CSMD1: variants seen among roughly 807,000 people sequenced by gnomAD.
CSMD1 encodes CUB and sushi domain-containing protein 1.
Under a neutral mutation model 417.5 loss-of-function variants are expected in CSMD1, and 213 were observed. That is an observed-to-expected ratio of 0.51 (90% confidence interval 0.46 to 0.57). The LOEUF is 0.57. Ranked by LOEUF, CSMD1 falls within the 20% of genes least tolerant of loss-of-function variation. The pLI is 0.00. For synonymous variants in CSMD1, 2,862 were observed against 1,736.8 expected (o/e 1.65, Z -16.11); for missense variants, 6,923 against 4,529.7 (o/e 1.53, Z -15.17).
intron 5 of CSMD1, among the ~76,000 whole-genome samples, chr8:3,969,821 A>G (rs1416879414): frequency 1.3e-5 from 2 of 152,172 alleles, no homozygotes; most frequent in Non-Finnish European, 2.9e-5. Context: ...AGACGGGGAG[A>G]TTTTTAAATG....
At chr8:3,216,412 A>G (rs1472812339) in intron 29 of CSMD1, among the ~76,000 whole-genome samples, 2 of 152,202 alleles carry the variant, frequency 1.3e-5, no homozygotes, top group African/African-American at 2.4e-5. Context: ...TATTGAAAAT[A>G]AAAAATTTCC....
At chr8:4,668,879 A>C (rs1185037789) in intron 1 of CSMD1, among the ~76,000 whole-genome samples, 1 of 152,096 alleles carries the variant, frequency 6.6e-6, no homozygotes, top group Non-Finnish European at 1.5e-5. Flanking sequence ...TATTAAATTC[A>C]GGTTGAATCT....
chr8:4,417,701 G>C (rs1353821405), intron 3 of CSMD1, among the ~76,000 whole-genome samples: 1 of 151,854 alleles, frequency 6.6e-6, no homozygotes, highest in Admixed American at 6.6e-5. Flanking sequence ...TGGGAAAAGA[G>C]GAAATCTGAG....
intron 3 of CSMD1, among the ~76,000 whole-genome samples, chr8:4,203,951 A>T (rs903905542): frequency 6.6e-6 from 1 of 151,982 alleles, no homozygotes; most frequent in Admixed American, 6.6e-5. Flanking sequence ...AAATACAAAA[A>T]TTAGCCAGGT....
intron 3 of CSMD1, among the ~76,000 whole-genome samples, chr8:4,310,077 G>C (rs1417854619): frequency 3.9e-5 from 6 of 152,156 alleles, no homozygotes; most frequent in African/African-American, 1.4e-4. Flanking sequence ...GAATGCTAAG[G>C]TCTGCAATTA....
At chr8:4,994,030 G>C (rs1563951393) in intron 1 of CSMD1, among the ~76,000 whole-genome samples, 1 of 152,050 alleles carries the variant, frequency 6.6e-6, no homozygotes, top group African/African-American at 2.4e-5. Flanking sequence ...CACAGTTCCA[G>C]CCCAACTCGT....
intron 5 of CSMD1, among the ~76,000 whole-genome samples, chr8:3,916,739 G>C (rs1013352022): frequency 6.6e-6 from 1 of 152,096 alleles, no homozygotes; most frequent in Non-Finnish European, 1.5e-5. Flanking sequence ...TAATCATTGA[G>C]AATGTGTCAC....
chr8:3,815,229 G>C (rs1256858401), intron 5 of CSMD1, among the ~76,000 whole-genome samples: 1 of 152,246 alleles, frequency 6.6e-6, no homozygotes, highest in East Asian at 1.9e-4. Context: ...TGGGAACATA[G>C]AGTACCCATA....
At chr8:3,534,138 G>A (rs1280393010) in intron 10 of CSMD1, among the ~76,000 whole-genome samples, 3 of 152,158 alleles carry the variant, frequency 2.0e-5, no homozygotes, top group Non-Finnish European at 2.9e-5. Context: ...CATATGCACT[G>A]TGAAATAACA....
intron 10 of CSMD1, among the ~76,000 whole-genome samples, chr8:3,495,296 G>A (rs1480103414): frequency 6.6e-6 from 1 of 152,218 alleles, no homozygotes; most frequent in Admixed American, 6.5e-5. Context: ...GAGACCTGCT[G>A]GTTTCCTTTC....
chr8:4,266,159 C>G lies in CSMD1; in HGVS notation c.415+153794G>C, dbSNP rs554516012. Among the ~76,000 whole-genome samples the G allele has an allele frequency of 5.0e-3, 521 of 104,572 alleles. 74 individuals carry two copies. Among genetic ancestry groups the G allele is most frequent in the African/African-American group, 0.013 (499 of 38,372 alleles). The allele number at this position is 104,572 out of a possible 152,430, so 68.6% of individuals were successfully genotyped here. A position where few individuals can be genotyped will look rare whatever the true frequency, so the allele number is the denominator to read the frequency against. On this transcript the variant is annotated intron_variant, in intron 3 of 69. Coordinates refer to ENST00000635120, the MANE Select transcript of CSMD1 (RefSeq NM_033225.6). Reference sequence around the variant, plus strand: ...CCTTTTTACTTCAGCTACTCATCTACCACCAAAAACCCAGTGTTATTCACC... The same window carrying G: ...CCTTTTTACTTCAGCTACTCATCTAGCACCAAAAACCCAGTGTTATTCACC...
At chr8:3,668,571 G>C (rs546195583) in intron 7 of CSMD1, among the ~76,000 whole-genome samples, 6 of 152,214 alleles carry the variant, frequency 3.9e-5, no homozygotes, top group Middle Eastern at 6.8e-3. Flanking sequence ...AGGGGATCAA[G>C]CCTGGTCCTT....
chr8:3,199,904 T>A (rs1453120258), intron 32 of CSMD1, 95 bp from the exon 33 acceptor site: 3 of 688,244 alleles, frequency 4.4e-6, no homozygotes, highest in Non-Finnish European at 7.4e-6. Flanking sequence ...AATTTCACAT[T>A]TATTTTTTGA....
intron 4 of CSMD1, among the ~76,000 whole-genome samples, chr8:4,019,233 T>C (rs1298174429): frequency 6.6e-6 from 1 of 152,200 alleles, no homozygotes; most frequent in African/African-American, 2.4e-5. Flanking sequence ...CTGGCTGAGT[T>C]AGGTCAGAGG....
At chr8:4,644,359 G>C (rs563570300) in intron 1 of CSMD1, among the ~76,000 whole-genome samples, 5 of 152,052 alleles carry the variant, frequency 3.3e-5, no homozygotes, top group Non-Finnish European at 5.9e-5. Context: ...ACTCTTTCCA[G>C]ACACTCATAT....
intron 26 of CSMD1, among the ~76,000 whole-genome samples, chr8:3,271,297 A>G (rs1353777578): frequency 6.6e-6 from 1 of 151,954 alleles, no homozygotes; most frequent in Non-Finnish European, 1.5e-5. Flanking sequence ...CATGGTGTAT[A>G]TGTGCCACAT....
intron 1 of CSMD1, among the ~76,000 whole-genome samples, chr8:4,904,622 G>T (rs758633455): frequency 6.6e-6 from 1 of 152,046 alleles, no homozygotes; most frequent in East Asian, 1.9e-4. Context: ...GCCAGGGAGC[G>T]CCCAACCATC....
intron 5 of CSMD1, among the ~76,000 whole-genome samples, chr8:3,957,038 G>C (rs942512538): frequency 6.6e-6 from 1 of 151,706 alleles, no homozygotes; most frequent in African/African-American, 2.4e-5. Flanking sequence ...GCCTATCTCA[G>C]AAGGAAGAAA....
At chr8:3,292,869 A>G (rs1285287232) in intron 25 of CSMD1, among the ~76,000 whole-genome samples, 2 of 151,640 alleles carry the variant, frequency 1.3e-5, no homozygotes, top group Non-Finnish European at 2.9e-5. Flanking sequence ...TCCTGTCATT[A>G]TGATGTTAGC....
Sources: allele counts gnomAD v4.1 joint callset (sites outside exome capture counted in the v4.1 genomes callset), GRCh38; gene constraint gnomAD v4.1.1; transcripts MANE v1.5; gene names NCBI Gene and HGNC (gene_info 2026-07-23, HGNC 2026-07-21).